The following UNC13C variants were observed in gnomAD, a reference collection of about 807,000 sequenced individuals.
UNC13C encodes protein unc-13 homolog C.
Under a neutral mutation model 245.4 loss-of-function variants are expected in UNC13C, and 174 were observed. The ratio of observed to expected loss-of-function variants is 0.71; its 90% CI spans 0.63 to 0.80. The LOEUF (loss-of-function observed/expected upper bound fraction) is 0.80. UNC13C is among the 30% of genes least tolerant of loss of function. UNC13C has a pLI of 0.00. For missense variants in UNC13C, 2,829 were observed against 2,602.9 expected (o/e 1.09, Z -1.89); for synonymous variants, 992 against 895.1 (o/e 1.11, Z -1.93).
chr15:54,416,469 G>A (rs1238037495), intron 19 of UNC13C, among the ~76,000 whole-genome samples: 1 of 152,022 alleles, frequency 6.6e-6, no homozygotes, highest in Non-Finnish European at 1.5e-5. Context: ...CTGCTCAGAG[G>A]TACAATTCCT....
intron 31 of UNC13C, 75 bp from the exon 32 acceptor site, chr15:54,623,720 A>G (rs1900948130): frequency 2.8e-6 from 4 of 1,424,852 alleles, no homozygotes; most frequent in Admixed American, 4.2e-5. Flanking sequence ...TTTTGGCTTC[A>G]TAAATCACTT....
rs550950224 is a variant in UNC13C at position 54,183,758 on chromosome 15, A to G, written c.3071+40074A>G. ...GCTAGGCTCAGACATTGTGAGACAG[A>G]AAAAAAAAAAAAAAAACATGGGACC... On this transcript the variant is annotated intron_variant, in intron 4 of 32. Transcript: ENST00000260323. 8.7e-3 allele frequency among the ~76,000 whole-genome samples: 595 copies of G among 68,150 alleles called. 4 individuals carry two copies. The highest frequency in any genetic ancestry group is 0.04 in the African/African-American group (572 of 14,472). The allele number at this position is 68,150 out of a possible 152,430, so 44.7% of individuals were successfully genotyped here. A position where few individuals can be genotyped will look rare whatever the true frequency, so the allele number is the denominator to read the frequency against.
At chr15:54,081,529 T>C (rs1595824175) in intron 2 of UNC13C, among the ~76,000 whole-genome samples, 1 of 152,232 alleles carries the variant, frequency 6.6e-6, no homozygotes, top group Non-Finnish European at 1.5e-5. Flanking sequence ...GAATCCTTTA[T>C]CATTATATAA....
chr15:54,244,162 G>T (rs907668571), intron 7 of UNC13C, among the ~76,000 whole-genome samples: 1 of 152,098 alleles, frequency 6.6e-6, no homozygotes, highest in Admixed American at 6.6e-5. Flanking sequence ...TGTATATGAT[G>T]TAAGCAAGTG....
chr15:53,941,914 T>C, the UNC13C span, among the ~76,000 whole-genome samples: 2 of 152,176 alleles, frequency 1.3e-5, no homozygotes, highest in African/African-American at 2.4e-5. Flanking sequence ...CAACAGATGC[T>C]GATGAGGTTG....
intron 29 of UNC13C, among the ~76,000 whole-genome samples, chr15:54,556,063 G>A (rs999794386): frequency 6.6e-6 from 1 of 152,016 alleles, no homozygotes; most frequent in Non-Finnish European, 1.5e-5. Context: ...TTATTGTAGT[G>A]TATGCTAAAT....
chr15:54,523,747 AC>A (rs1037328696), intron 24 of UNC13C, among the ~76,000 whole-genome samples: 52 of 152,096 alleles, frequency 3.4e-4, no homozygotes, highest in Admixed American at 1.6e-3. Flanking sequence ...ATAAGAAGCA[AC>A]CCCCATTTCC....
the UNC13C span, among the ~76,000 whole-genome samples, chr15:53,949,674 A>G: frequency 1.3e-5 from 2 of 152,182 alleles, no homozygotes. Flanking sequence ...CACATCAAAG[A>G]GAGATTTTTC....
chr15:53,848,565 C>T, the UNC13C span, among the ~76,000 whole-genome samples: 1 of 152,026 alleles, frequency 6.6e-6, no homozygotes, highest in Non-Finnish European at 1.5e-5. Context: ...GGTGAATATT[C>T]CATGTGCATT....
intron 30 of UNC13C, among the ~76,000 whole-genome samples, chr15:54,617,644 T>C: frequency 6.6e-6 from 1 of 152,182 alleles, no homozygotes; most frequent in East Asian, 1.9e-4. Flanking sequence ...TCCAAATATA[T>C]ATTAAATAAC....
At chr15:54,058,735 C>T (rs1012234615) in intron 2 of UNC13C, among the ~76,000 whole-genome samples, 3 of 152,176 alleles carry the variant, frequency 2.0e-5, no homozygotes, top group Non-Finnish European at 2.9e-5. Flanking sequence ...AAACAGAATC[C>T]AGCAGCACAT....
At chr15:54,001,455 C>T (rs966080372) in intron 1 of UNC13C, among the ~76,000 whole-genome samples, 2 of 152,126 alleles carry the variant, frequency 1.3e-5, no homozygotes, top group Admixed American at 6.5e-5. Flanking sequence ...GTGAAATTTA[C>T]TATACCTTAA....
the UNC13C span, among the ~76,000 whole-genome samples, chr15:53,890,430 T>G: frequency 6.6e-6 from 1 of 152,050 alleles, no homozygotes; most frequent in Non-Finnish European, 1.5e-5. Context: ...CATGAGCCAC[T>G]GCGCCCAGCT....
chr15:54,542,956 T>C lies in UNC13C; in HGVS notation c.5697-3766T>C, dbSNP rs146021491. 1.2e-3 allele frequency among the ~76,000 whole-genome samples: 184 copies of C among 152,272 alleles called. 1 individual carries two copies. Among genetic ancestry groups the C allele is most frequent in the African/African-American group, 4.2e-3 (174 of 41,556 alleles). ...ATGGGTCTTGACTCTTTATCCAGTT[T>C]ACCAGTCTGTGTCTTTTAATTGGGG... On this transcript the variant is annotated intron_variant, in intron 26 of 32. Transcript: ENST00000260323.
chr15:54,006,068 G>A (rs2140981704), intron 1 of UNC13C, among the ~76,000 whole-genome samples: 1 of 152,240 alleles, frequency 6.6e-6, no homozygotes, highest in South Asian at 2.1e-4. Context: ...AACTACTTCA[G>A]CATCTCTGAG....
At chr15:53,866,462 G>C in the UNC13C span, among the ~76,000 whole-genome samples, 1 of 152,176 alleles carries the variant, frequency 6.6e-6, no homozygotes. Context: ...GATTTAACAA[G>C]TTTAAATGAA....
At chr15:54,565,560 T>C (rs1184692920) in intron 29 of UNC13C, among the ~76,000 whole-genome samples, 1 of 152,042 alleles carries the variant, frequency 6.6e-6, no homozygotes, top group African/African-American at 2.4e-5. Context: ...AGTTATAAAA[T>C]GTGTCAAAAT....
At chr15:53,897,118 A>G in the UNC13C span, among the ~76,000 whole-genome samples, 2 of 152,076 alleles carry the variant, frequency 1.3e-5, no homozygotes, top group African/African-American at 4.8e-5. Context: ...CAGTGAAACT[A>G]TATGTTTATT....
chr15:54,280,591 TCTCTCTCTTG>T (rs1268312224), intron 10 of UNC13C, among the ~76,000 whole-genome samples: 1 of 149,860 alleles, frequency 6.7e-6, no homozygotes, highest in African/African-American at 2.4e-5. Flanking sequence ...TGTCTCTCTC[TCTCTCTCTTG>T]CTCTCTCTCC....
Sources: gnomAD v4.1 joint callset for allele counts (sites outside exome capture counted in the v4.1 genomes callset) on GRCh38, gnomAD v4.1.1 for gene constraint, MANE v1.5 for transcripts, NCBI Gene and HGNC (gene_info 2026-07-23, HGNC 2026-07-21) for gene names.